The following OGT variants were observed in gnomAD, a reference collection of about 807,000 sequenced individuals.
OGT encodes UDP-N-acetylglucosamine--peptide N-acetylglucosaminyltransferase 110 kDa subunit.
OGT carries 3 observed loss-of-function variants against 75.8 expected under a neutral mutation model. The ratio of observed to expected loss-of-function variants is 0.04; its 90% CI spans 0.02 to 0.10. The LOEUF is 0.10. Ranked by LOEUF, OGT falls within the 10% of genes least tolerant of loss-of-function variation. The pLI, the probability that OGT is intolerant of heterozygous loss-of-function variation, is 1.00. For synonymous variants in OGT, 257 were observed against 289.7 expected, an observed-to-expected ratio of 0.89 and a Z score of 1.15; for missense variants, 260 against 824.4, an observed-to-expected ratio of 0.32 and a Z score of 8.38.
chrX:71,550,394 G>GT (rs1038490184), intron 5 of OGT, among the ~76,000 whole-genome samples: 2 of 110,430 alleles, frequency 1.8e-5, no homozygotes, highest in South Asian at 3.9e-4. Context: ...GTTTTGTTTT[G>GT]TTTTTTTGAG....
intron 15 of OGT, 139 bp from the exon 16 acceptor site, chrX:71,562,708 T>C: frequency 2.0e-6 from 1 of 503,596 alleles, no homozygotes; most frequent in Non-Finnish European, 3.1e-6. Flanking sequence ...ACCTTTAGGT[T>C]CTTTTTTTAA....
chrX:71,546,379 G>C (rs1275578232), intron 4 of OGT: 34 of 752,405 alleles, frequency 4.5e-5, no homozygotes, highest in Non-Finnish European at 5.2e-5. Context: ...TATTCCATGC[G>C]TAAGGTGCCT....
intron 4 of OGT, chrX:71,547,530 G>A: frequency 2.6e-6 from 2 of 781,549 alleles, no homozygotes; most frequent in Non-Finnish European, 3.0e-6. Flanking sequence ...CTCAAGTTGC[G>A]CCCTCTAGGT....
rs192094088 is a variant in OGT, at chrX:71,559,446, G to C, written c.1761+21G>C. ...TTGAGGTAAGACTAGTGTTTCTCTAGAATCACTATTTGTTTAAAAAAGAAA... is the reference window on the plus strand; with the variant it reads ...TTGAGGTAAGACTAGTGTTTCTCTACAATCACTATTTGTTTAAAAAAGAAA... On this transcript the variant is annotated intron_variant, in intron 13 of 21. Coordinates refer to ENST00000373719, the MANE Select transcript of OGT (RefSeq NM_181672.3). 5,578 of 1,186,962 alleles carry C rather than the reference G, an allele frequency of 4.7e-3. 24 individuals carry two copies. The highest frequency in any genetic ancestry group is 0.027 in the South Asian group (1,475 of 54,201).
chrX:71,540,733 C>T (rs1359118902), intron 3 of OGT, among the ~76,000 whole-genome samples: 4 of 104,694 alleles, frequency 3.8e-5, no homozygotes, highest in Admixed American at 1.0e-4. Flanking sequence ...AGTGCAGTGG[C>T]GCGATCTCGG....
At chrX:71,561,430 A>T (rs1305700993) in intron 14 of OGT, among the ~76,000 whole-genome samples, 3 of 106,663 alleles carry the variant, frequency 2.8e-5, no homozygotes, top group African/African-American at 6.9e-5. Context: ...GCTTGAGACC[A>T]TCATGGGCAA....
chrX:71,569,148 T>G (rs1464932854), intron 21 of OGT, among the ~76,000 whole-genome samples: 1 of 111,185 alleles, frequency 9.0e-6, no homozygotes, highest in African/African-American at 3.3e-5. Flanking sequence ...GCTAACACGG[T>G]GAAACCCCCC....
In OGT at chrX:71,563,162, G is replaced by A; in HGVS notation, c.2181G>A (p.Gly727=). Residue 727 remains glycine, a synonymous_variant, in exon 17 of 22, where the codon GGG becomes GGA. Coordinates refer to ENST00000373719, the MANE Select transcript of OGT (RefSeq NM_181672.3). ...KKAVIDFKSN[G]HIYDNRIVLN... ...CAGTCATCGATTTTAAGTCCAATGG[G>A]CACATTTATGACAATCGGATAGTTC... The A allele has an allele frequency of 8.3e-7, 1 of 1,210,652 alleles. No individual in the cohort carries two copies. The highest frequency in any genetic ancestry group is 1.1e-6 in the Non-Finnish European group (1 of 894,551).
At chrX:71,546,607 T>G in intron 4 of OGT, 2 of 730,046 alleles carry the variant, frequency 2.7e-6, no homozygotes, top group Non-Finnish European at 3.2e-6. Flanking sequence ...TGTAAGAGAA[T>G]GTTTTATACT....
chrX:71,555,479 C>T (rs943108280), intron 7 of OGT, 94 bp downstream of exon 7: 8 of 805,387 alleles, frequency 9.9e-6, no homozygotes, highest in Non-Finnish European at 1.2e-5. Flanking sequence ...GCCAGCACTT[C>T]GGGAGGCCGA....
chrX:71,540,567 T>C (rs887446176), intron 3 of OGT, among the ~76,000 whole-genome samples: 10 of 112,215 alleles, frequency 8.9e-5, no homozygotes, highest in African/African-American at 2.9e-4. Flanking sequence ...GACTTGATTA[T>C]AGAAATTATC....
At chrX:71,554,692 T>A (rs1367308564) in intron 6 of OGT, 100 bp downstream of exon 6, 1 of 635,411 alleles carries the variant, frequency 1.6e-6, no homozygotes, top group East Asian at 3.4e-5. Context: ...TGAAGCATAT[T>A]TGCCTTTTCT....
Position 71,567,395 on chromosome X carries a change from G to A in OGT, c.2590-105G>A, listed in dbSNP as rs1229892698. The A allele has an allele frequency of 6.0e-6, 4 of 661,529 alleles. No individual in the cohort carries two copies. In the East Asian group the frequency reaches 1.4e-4, roughly 23 times the overall value. The allele number at this position is 661,529 out of a possible 1,213,427, so 54.5% of individuals were successfully genotyped here. On this transcript the variant is annotated intron_variant, in intron 19 of 21. Coordinates refer to ENST00000373719, the MANE Select transcript of OGT (RefSeq NM_181672.3). ...TTAAGTCCACAGCAGGCTTCTATCTGGATGGAAAGAATAGAGTGTGGTAGA... is the reference window on the plus strand; with the variant it reads ...TTAAGTCCACAGCAGGCTTCTATCTAGATGGAAAGAATAGAGTGTGGTAGA...
chrX:71,533,369 C>T (rs760256584), intron 1 of OGT, 33 bp downstream of exon 1: 1 of 1,163,200 alleles, frequency 8.6e-7, no homozygotes, highest in Admixed American at 2.4e-5. Context: ...TGGCAGATGC[C>T]CCCTTGGGGT....
chrX:71,561,685 C>A, intron 14 of OGT, 90 bp from the exon 15 acceptor site: 1 of 708,800 alleles, frequency 1.4e-6, no homozygotes. Flanking sequence ...TGTTAAATGC[C>A]ATTAAAACTA....
At chrX:71,541,493 C>T (rs2040218865) in intron 3 of OGT, among the ~76,000 whole-genome samples, 1 of 111,296 alleles carries the variant, frequency 9.0e-6, no homozygotes, top group Non-Finnish European at 1.9e-5. Flanking sequence ...TAAGACAGGA[C>T]CTGACCCGTA....
rs113780967 is a variant in OGT, at chrX:71,555,766, CT to C, written c.925-184del. 3.5e-3 allele frequency: 1,703 copies of C among 480,889 alleles called. 22 individuals are homozygous for C. The highest frequency in any genetic ancestry group is 0.035 in the African/African-American group (1,429 of 41,217). The allele number at this position is 480,889 out of a possible 1,213,427, so 39.6% of individuals were successfully genotyped here. A position where few individuals can be genotyped will look rare whatever the true frequency, so the allele number is the denominator to read the frequency against. On this transcript the variant is annotated intron_variant, in intron 7 of 21. Coordinates refer to ENST00000373719, the MANE Select transcript of OGT (RefSeq NM_181672.3). ...CCAAAAAACAGCAAAAAAGGAAAGT[CT>C]TTTGTACAAGTATTGAGATGGTATA... is the stretch of plus-strand genomic sequence containing the variant.
intron 3 of OGT, among the ~76,000 whole-genome samples, chrX:71,541,019 C>T (rs2040214732): frequency 8.9e-6 from 1 of 111,979 alleles, no homozygotes; most frequent in Non-Finnish European, 1.9e-5. Context: ...CTTGCAGTGA[C>T]AGCACATGTT....
At chrX:71,568,818 A>T (rs1184696020) in intron 21 of OGT, among the ~76,000 whole-genome samples, 1 of 102,717 alleles carries the variant, frequency 9.7e-6, no homozygotes, top group Non-Finnish European at 2.0e-5. Flanking sequence ...ACATAGTGAG[A>T]CTCTATCTCA....
Sources: gnomAD v4.1 joint callset for allele counts (sites outside exome capture counted in the v4.1 genomes callset) on GRCh38, gnomAD v4.1.1 for gene constraint, MANE v1.5 for transcripts, NCBI Gene and HGNC (gene_info 2026-07-23, HGNC 2026-07-21) for gene names.